Variants in DYSF observed in about 807,000 individuals in gnomAD.
The protein encoded by DYSF is dystrophy-associated fer-1-like 1.
In DYSF, 212 loss-of-function variants were observed where a neutral mutation model predicts 274.9. That is an observed-to-expected ratio of 0.77 (90% CI 0.69 to 0.86). DYSF has a LOEUF of 0.86. DYSF is among the 40% of genes least tolerant of loss of function. The pLI is 0.00. For synonymous variants in DYSF, 1,091 were observed against 1,078.7 expected, an observed-to-expected ratio of 1.01 and a Z score of -0.22; for missense variants, 2,666 against 2,783.2, an observed-to-expected ratio of 0.96 and a Z score of 0.95.
rs764905414 is a variant in DYSF at position 71,679,240 on chromosome 2, G to A, written c.6063+5G>A. 2 of 1,613,796 alleles carry A rather than the reference G, an allele frequency of 1.2e-6. No individual in the cohort carries two copies. The highest frequency in any genetic ancestry group is 2.2e-5 in the South Asian group (2 of 91,022). Reference sequence around the variant, plus strand: ...GGTGAGAAGAAAATACTGGCGGTAAGTCTACTTCCTCCAGCCCCAGTGGAG... The same window carrying A: ...GGTGAGAAGAAAATACTGGCGGTAAATCTACTTCCTCCAGCCCCAGTGGAG... On this transcript the variant is annotated splice_donor_5th_base_variant and intron_variant, in intron 53 of 55. Transcript: ENST00000410020.
At chr2:71,607,039 G>A (rs1157189552) in intron 36 of DYSF, among the ~76,000 whole-genome samples, 1 of 152,170 alleles carries the variant, frequency 6.6e-6, no homozygotes, top group Non-Finnish European at 1.5e-5. Flanking sequence ...AGAATTGCTG[G>A]TTTAACCAAG....
Position 71,511,855 on chromosome 2 carries a change from C to T in DYSF, c.394C>T (p.Pro132Ser), listed in dbSNP as rs1229328480. The T allele has an allele frequency of 6.4e-7, 1 of 1,551,716 alleles. No individual in the cohort carries two copies. The highest frequency in any genetic ancestry group is 1.2e-5 in the South Asian group (1 of 84,070). Residue 132 changes from proline to serine, a missense_variant, in exon 5 of 56, where the codon CCC becomes TCC. Physicochemically the swap from Pro to Ser is moderately conservative, Grantham distance 74. Around this residue, in one of 3 missense-constraint regions of DYSF, gnomAD observed 794 missense variants for 777.1 expected, o/e 1.02. Transcript: ENST00000410020. Reference sequence around the variant, plus strand: ...CTACACACCGCTGCCTGGAGCTGTGCCCCTGTTCCCGCCCCCTACTCCTCT... The same window carrying T: ...CTACACACCGCTGCCTGGAGCTGTGTCCCTGTTCCCGCCCCCTACTCCTCT... ...VSYTPLPGAV[P>S]LFPPPTPLEP...
At position 71,644,069 on chromosome 2, in the gene DYSF, G is replaced by A; in HGVS notation, c.4626+6G>A. On this transcript the variant is annotated splice_donor_region_variant and intron_variant, in intron 42 of 55. Coordinates refer to ENST00000410020, the MANE Select transcript of DYSF (RefSeq NM_001130987.2). ...AGGATTTTGACACCCTGAAGGTAAG[G>A]CCTCTCTTCAGTCTGACAGTCGGTG... The A allele has an allele frequency of 6.2e-7, 1 of 1,606,368 alleles. No homozygotes were observed. The highest frequency in any genetic ancestry group is 8.5e-7 in the Non-Finnish European group (1 of 1,175,730).
chr2:71,479,720 T>C (rs2082729951), intron 1 of DYSF, among the ~76,000 whole-genome samples: 1 of 152,200 alleles, frequency 6.6e-6, no homozygotes, highest in Non-Finnish European at 1.5e-5. Context: ...GCTTCTGCCG[T>C]GCATCGTCTG....
chr2:71,493,871 A>G (rs1370943440), intron 3 of DYSF, among the ~76,000 whole-genome samples: 2 of 133,480 alleles, frequency 1.5e-5, no homozygotes, highest in African/African-American at 5.1e-5. Flanking sequence ...AAAAAAAAAA[A>G]AAAGAAAGAA....
chr2:71,484,774 A>G (rs2083233123), intron 3 of DYSF, among the ~76,000 whole-genome samples: 1 of 151,946 alleles, frequency 6.6e-6, no homozygotes, highest in Admixed American at 6.6e-5. Flanking sequence ...GCAAAATGAG[A>G]GCTGTGAACA....
At chr2:71,460,830 AC>A (rs1375360178) in intron 1 of DYSF, among the ~76,000 whole-genome samples, 2 of 150,122 alleles carry the variant, frequency 1.3e-5, no homozygotes, top group African/African-American at 4.9e-5. Flanking sequence ...TATTAGTTAT[AC>A]CCCCTACAGA....
upstream of DYSF, among the ~76,000 whole-genome samples, chr2:71,466,085 T>G (rs6709544): frequency 0.18 from 27,293 of 152,016 alleles, 2,705 homozygotes; most frequent in East Asian, 0.45. Context: ...GACTCGAACC[T>G]CGGAGTCTCT....
chr2:71,584,330 A>G (rs1230720908), intron 30 of DYSF, among the ~76,000 whole-genome samples: 1 of 152,012 alleles, frequency 6.6e-6, no homozygotes, highest in Non-Finnish European at 1.5e-5. Flanking sequence ...CCTTTCCTCT[A>G]GGCTCCAGTG....
intron 36 of DYSF, among the ~76,000 whole-genome samples, chr2:71,607,004 G>A (rs779433403): frequency 6.6e-6 from 1 of 152,156 alleles, no homozygotes; most frequent in Non-Finnish European, 1.5e-5. Context: ...TTGGACGGGG[G>A]AATTCAGCTA....
chr2:71,612,106 A>G (rs1315431693), intron 38 of DYSF, among the ~76,000 whole-genome samples: 1 of 152,222 alleles, frequency 6.6e-6, no homozygotes, highest in Non-Finnish European at 1.5e-5. Flanking sequence ...GTCTGAGGAA[A>G]AGAAAATGGT....
intron 1 of DYSF, among the ~76,000 whole-genome samples, chr2:71,475,931 T>C (rs2082361414): frequency 6.6e-6 from 1 of 151,942 alleles, no homozygotes; most frequent in Non-Finnish European, 1.5e-5. Context: ...CCACTACACC[T>C]GGCTAATTTT....
chr2:71,624,033 C>A (rs372613734), intron 41 of DYSF, among the ~76,000 whole-genome samples: 287 of 151,870 alleles, frequency 1.9e-3, no homozygotes, highest in African/African-American at 6.5e-3. Flanking sequence ...AGCATCACTG[C>A]ACTCTATCCT....
intron 32 of DYSF, among the ~76,000 whole-genome samples, chr2:71,594,132 CA>C (rs1170941378): frequency 1.3e-5 from 2 of 152,138 alleles, no homozygotes; most frequent in Non-Finnish European, 2.9e-5. Flanking sequence ...CAGCTGGGGC[CA>C]CGTCTTGATG....
In DYSF at chr2:71,470,737, T is replaced by TTTCCTTCCTTCC. The variant is rs56939256; in HGVS notation, c.91+3840_91+3851dup. Among the ~76,000 whole-genome samples, 505 of 96,072 alleles carry TTTCCTTCCTTCC rather than the reference T, an allele frequency of 5.3e-3. 2 individuals carry two copies. The highest frequency in any genetic ancestry group is 7.1e-3 in the Non-Finnish European group (376 of 53,314). 63.0% of individuals were successfully genotyped at this position (96,072 alleles called of 152,430 possible). The stretch of plus-strand genomic sequence containing the variant: ...TCTTCCTTCTTTCCTTCCTTCCTTC[T>TTTCCTTCCTTCC]TTCCTTCCTTCCTTCCTTCCTTCCT... On this transcript the variant is annotated intron_variant, in intron 1 of 55. Coordinates refer to ENST00000410020, the MANE Select transcript of DYSF (RefSeq NM_001130987.2).
At chr2:71,512,861 G>C (rs1208152689) in intron 5 of DYSF, among the ~76,000 whole-genome samples, 2 of 152,208 alleles carry the variant, frequency 1.3e-5, no homozygotes, top group African/African-American at 4.8e-5. Flanking sequence ...AGCACTGTCC[G>C]AGCTTAGAGA....
chr2:71,666,125 G>GC (rs1260021246), intron 47 of DYSF, among the ~76,000 whole-genome samples: 1 of 149,980 alleles, frequency 6.7e-6, no homozygotes, highest in Non-Finnish European at 1.5e-5. Context: ...CCCCAGCCCT[G>GC]CCCCCCTTCA....
intron 48 of DYSF, among the ~76,000 whole-genome samples, chr2:71,668,003 C>T (rs890025352): frequency 4.6e-5 from 7 of 151,988 alleles, no homozygotes; most frequent in Admixed American, 6.5e-5. Flanking sequence ...CGCTGAAGGG[C>T]GGGGACCACA....
chr2:71,613,476 C>T (rs2093814645), intron 40 of DYSF, 66 bp downstream of exon 40: 10 of 1,298,284 alleles, frequency 7.7e-6, no homozygotes, highest in Non-Finnish European at 1.1e-5. Context: ...CAATTCCCAC[C>T]CCTTCTCCCC....
Sources: gnomAD v4.1 joint callset for allele counts (sites outside exome capture counted in the v4.1 genomes callset) on GRCh38, gnomAD v4.1.1 for gene constraint, gnomAD v4.1.1 regional missense constraint, MANE v1.5 for transcripts, NCBI Gene and HGNC (gene_info 2026-07-23, HGNC 2026-07-21) for gene names.